The following SYNPO2 variants were observed in gnomAD, a reference collection of about 807,000 sequenced individuals.
SYNPO2 encodes the protein synaptopodin 2.
In SYNPO2, 56 loss-of-function variants were observed where a neutral mutation model predicts 85.0. The observed-to-expected ratio is 0.66, with a 90% confidence interval of 0.53 to 0.82. SYNPO2 has a LOEUF of 0.82. Ranked by LOEUF, SYNPO2 falls within the 40% of genes least tolerant of loss-of-function variation. The pLI is 0.00. For synonymous variants in SYNPO2, 602 were observed against 591.1 expected (o/e 1.02, Z -0.27); for missense variants, 1,575 against 1,534.2 (o/e 1.03, Z -0.44).
In SYNPO2 at chr4:119,031,259, C is replaced by T; in HGVS notation, c.2484C>T (p.Phe828=). Residue 828 remains phenylalanine (F), a synonymous_variant, in exon 4 of 5, where the codon TTC becomes TTT. Coordinates refer to ENST00000307142, the MANE Select transcript of SYNPO2 (RefSeq NM_133477.3). ...PASTLNVAGP[F]KGPQAAVASQ... ...GTACTTTGAACGTGGCTGGTCCCTTCAAAGGACCACAAGCAGCAGTAGCCA... is the reference window on the plus strand; with the variant it reads ...GTACTTTGAACGTGGCTGGTCCCTTTAAAGGACCACAAGCAGCAGTAGCCA... 1 of 1,614,136 alleles carries T rather than the reference C, an allele frequency of 6.2e-7. No homozygotes were observed. Among genetic ancestry groups the T allele is most frequent in the Non-Finnish European group, 8.5e-7 (1 of 1,180,026 alleles).
intron 1 of SYNPO2, among the ~76,000 whole-genome samples, chr4:118,861,300 C>T (rs1345370737): frequency 6.6e-6 from 1 of 152,020 alleles, no homozygotes; most frequent in Non-Finnish European, 1.5e-5. Context: ...CTACAGGCAC[C>T]CGCCACCACA....
chr4:118,980,618 GA>G (rs200163495), intron 1 of SYNPO2, among the ~76,000 whole-genome samples: 39 of 149,908 alleles, frequency 2.6e-4, no homozygotes, highest in Admixed American at 7.3e-4. Flanking sequence ...CTTACAATTT[GA>G]AAAAAAAAGA....
intron 4 of SYNPO2, among the ~76,000 whole-genome samples, chr4:119,044,818 G>C (rs1738827273): frequency 6.6e-6 from 1 of 152,212 alleles, no homozygotes; most frequent in Non-Finnish European, 1.5e-5. Flanking sequence ...CAGAAAAGCA[G>C]TTACAAAGGC....
intron 1 of SYNPO2, among the ~76,000 whole-genome samples, chr4:119,013,875 G>C (rs1365015293): frequency 6.6e-6 from 1 of 152,152 alleles, no homozygotes; most frequent in Admixed American, 6.5e-5. Context: ...AATTAACAGA[G>C]TATGAAAAAT....
At position 119,031,859 on chromosome 4, in the gene SYNPO2, A is replaced by G. The variant is rs762770115; in HGVS notation, c.3084A>G (p.Pro1028=). The G allele has an allele frequency of 2.4e-5, 39 of 1,614,098 alleles. No homozygotes were observed. The highest frequency in any genetic ancestry group is 4.0e-5 in the African/African-American group (3 of 74,930). ...NVQASSVYSV[P]AYTSPPSFFA... is the part of the protein sequence containing the mutation. ...AGGCTTCGTCAGTGTACTCGGTACC[A>G]GCCTATACCTCTCCTCCTTCCTTCT... is the stretch of plus-strand genomic sequence containing the variant. The change falls in exon 4 of 5, where the codon CCA becomes CCG. Residue 1028 remains proline (P), a synonymous_variant. Coordinates refer to ENST00000307142, the MANE Select transcript of SYNPO2 (RefSeq NM_133477.3).
In SYNPO2 at chr4:118,880,746, C is replaced by CAA. The variant is rs11348298; in HGVS notation, c.12+29823_12+29824dup. ...TGGGCGACAGAGCGAGACTCTGTCC[C>CAA]AAAAAAAAAAAAAAAAAATTATGCA... is the stretch of plus-strand genomic sequence containing the variant. On this transcript the variant is annotated intron_variant, in intron 1 of 4. Coordinates refer to the SYNPO2 transcript ENST00000610556. Among the ~76,000 whole-genome samples, 10 of 131,824 alleles carry CAA rather than the reference C, an allele frequency of 7.6e-5. 1 individual carries two copies. The highest frequency in any genetic ancestry group is 2.3e-4 in the South Asian group (1 of 4,324). The allele number at this position is 131,824 out of a possible 152,430, so 86.5% of individuals were successfully genotyped here.
At chr4:118,980,129 A>G (rs1374855553) in intron 1 of SYNPO2, among the ~76,000 whole-genome samples, 2 of 152,212 alleles carry the variant, frequency 1.3e-5, no homozygotes, top group African/African-American at 4.8e-5. Flanking sequence ...TAGTTTAATG[A>G]TGGCTGCTAT....
Position 119,059,889 on chromosome 4 carries a change from A to T in SYNPO2, c.*1955A>T, listed in dbSNP as rs9998313. ...TTATCTTAAATTATCAAGGTGTAAG[A>T]TGTAATGATCCCAAGAGTTTTTATA... On this transcript the variant is annotated 3_prime_UTR_variant, in exon 5 of 5. Transcript: ENST00000307142. The T allele has an allele frequency of 6.6e-6, 1 of 152,062 alleles. No individual in the cohort carries two copies. The highest frequency in any genetic ancestry group is 1.5e-5 in the Non-Finnish European group (1 of 67,994). The allele number at this position is 152,062 out of a possible 1,614,324, so 9.4% of individuals were successfully genotyped here. A position where few individuals can be genotyped will look rare whatever the true frequency, so the allele number is the denominator to read the frequency against.
Position 119,037,754 on chromosome 4 carries a change from G to A in SYNPO2, c.3252+5727G>A, listed in dbSNP as rs115406629. ...GAGCACAAAATTTGGGCCCTGATTTGTGCTGAGTATCTTTCACAGATTACT... is the reference window on the plus strand; with the variant it reads ...GAGCACAAAATTTGGGCCCTGATTTATGCTGAGTATCTTTCACAGATTACT... On this transcript the variant is annotated intron_variant, in intron 4 of 4. Coordinates refer to ENST00000307142, the MANE Select transcript of SYNPO2 (RefSeq NM_133477.3). 2.0e-3 allele frequency: 1,131 copies of A among 569,652 alleles called. 10 individuals carry two copies. The African/African-American group carries it at 0.022, about 11-fold the overall frequency. 35.3% of individuals were successfully genotyped at this position (569,652 alleles called of 1,614,324 possible).
At position 119,026,618 on chromosome 4, in the gene SYNPO2, T is replaced by C. The variant is rs752937103; in HGVS notation, c.258-9T>C. ...ATTTAAGTGTCTGGAATGATTTTTC[T>C]GTGTGCAGACCATCCAGTGGAATAA... is the stretch of plus-strand genomic sequence containing the variant. On this transcript the variant is annotated splice_polypyrimidine_tract_variant and intron_variant, in intron 2 of 4. Coordinates refer to ENST00000307142, the MANE Select transcript of SYNPO2 (RefSeq NM_133477.3). 5.7e-6 allele frequency: 9 copies of C among 1,570,614 alleles called. No homozygotes were observed. In the African/African-American group the frequency reaches 1.2e-4, roughly 21 times the overall value.
At position 119,023,652 on chromosome 4, in the gene SYNPO2, T is replaced by C. The variant is rs569145829; in HGVS notation, c.257+71T>C. The C allele has an allele frequency of 1.4e-5, 20 of 1,445,694 alleles. No individual in the cohort carries two copies. In the African/African-American group the frequency reaches 1.6e-4, roughly 11 times the overall value. 89.6% of individuals were successfully genotyped at this position (1,445,694 alleles called of 1,614,324 possible). On this transcript the variant is annotated intron_variant, in intron 2 of 4. Coordinates refer to ENST00000307142, the MANE Select transcript of SYNPO2 (RefSeq NM_133477.3). ...GGGAATGATTATAGCTTTTACTACA[T>C]ATATAACTTGTCATTTATGGAGAAA...
At chr4:118,879,364 A>C (rs780590526) in intron 1 of SYNPO2, among the ~76,000 whole-genome samples, 1 of 152,136 alleles carries the variant, frequency 6.6e-6, no homozygotes, top group South Asian at 2.1e-4. Context: ...CCTGAAATTC[A>C]TATGTTGAAT....
At chr4:118,934,413 C>T (rs1734032507) in intron 1 of SYNPO2, among the ~76,000 whole-genome samples, 1 of 152,174 alleles carries the variant, frequency 6.6e-6, no homozygotes, top group Non-Finnish European at 1.5e-5. Flanking sequence ...ACTGTAGAGA[C>T]TACATACTTC....
chr4:118,904,680 T>C (rs1298655119), intron 1 of SYNPO2, among the ~76,000 whole-genome samples: 1 of 152,030 alleles, frequency 6.6e-6, no homozygotes, highest in Non-Finnish European at 1.5e-5. Context: ...ACCTTATTAC[T>C]ATATAAGGCT....
At chr4:118,905,610 C>T (rs1732908214) in intron 1 of SYNPO2, among the ~76,000 whole-genome samples, 1 of 152,200 alleles carries the variant, frequency 6.6e-6, no homozygotes, top group African/African-American at 2.4e-5. Context: ...CAGTCCAGCA[C>T]ATCTCTCATA....
At chr4:118,910,108 T>TGTG (rs1230350154) in intron 1 of SYNPO2, among the ~76,000 whole-genome samples, 2 of 152,222 alleles carry the variant, frequency 1.3e-5, no homozygotes, top group Non-Finnish European at 1.5e-5. Flanking sequence ...TCTGGGTTGT[T>TGTG]GTGTTCAATC....
chr4:118,862,119 G>GC (rs1731621732), intron 1 of SYNPO2, among the ~76,000 whole-genome samples: 1 of 152,136 alleles, frequency 6.6e-6, no homozygotes, highest in East Asian at 1.9e-4. Context: ...TTATTTTCTT[G>GC]ATTTCTTTTT....
At chr4:118,926,822 G>A (rs2149130948) in intron 1 of SYNPO2, among the ~76,000 whole-genome samples, 1 of 152,278 alleles carries the variant, frequency 6.6e-6, no homozygotes, top group South Asian at 2.1e-4. Context: ...GCAGGGTGCT[G>A]TTGTCCAGCT....
At chr4:118,926,157 G>A (rs568201023) in intron 1 of SYNPO2, among the ~76,000 whole-genome samples, 1 of 152,246 alleles carries the variant, frequency 6.6e-6, no homozygotes, top group Non-Finnish European at 1.5e-5. Flanking sequence ...AATGGAGAAC[G>A]CAACTGGGGA....
Sources: allele counts gnomAD v4.1 joint callset (sites outside exome capture counted in the v4.1 genomes callset), GRCh38; gene constraint gnomAD v4.1.1; transcripts MANE v1.5; gene names NCBI Gene and HGNC (gene_info 2026-07-23, HGNC 2026-07-21).